AHCYL2: variants seen among roughly 807,000 people sequenced by gnomAD.
The protein encoded by AHCYL2 is adenosylhomocysteinase like 2, also known as S-adenosylhomocysteine hydrolase-like protein 2.
AHCYL2 carries 28 observed loss-of-function variants against 81.4 expected under a neutral mutation model. The observed-to-expected ratio is 0.34, with a 90% CI of 0.25 to 0.47. AHCYL2 has a LOEUF of 0.47. Ranked by LOEUF, AHCYL2 falls within the 20% of genes least tolerant of loss-of-function variation. The pLI is 1.00. For synonymous variants in AHCYL2, 272 were observed against 290.2 expected (o/e 0.94, Z 0.64); for missense variants, 551 against 785.1 (o/e 0.70, Z 3.56).
intron 1 of AHCYL2, among the ~76,000 whole-genome samples, chr7:129,318,978 A>G (rs1157273918): frequency 6.6e-6 from 1 of 152,072 alleles, no homozygotes; most frequent in Non-Finnish European, 1.5e-5. Context: ...ACTATAAGCA[A>G]AGTTAAAAGA....
At chr7:129,407,511 A>C (rs1366919766) in intron 10 of AHCYL2, among the ~76,000 whole-genome samples, 1 of 152,146 alleles carries the variant, frequency 6.6e-6, no homozygotes, top group Non-Finnish European at 1.5e-5. Flanking sequence ...GTTCTTAAAA[A>C]CTATTGCAGA....
At chr7:129,401,134 G>A (rs1313137279) in intron 6 of AHCYL2, among the ~76,000 whole-genome samples, 1 of 152,106 alleles carries the variant, frequency 6.6e-6, no homozygotes, top group Non-Finnish European at 1.5e-5. Context: ...GACCAGCCTG[G>A]GCAACATAGG....
chr7:129,295,955 T>C (rs1033349402), intron 1 of AHCYL2, among the ~76,000 whole-genome samples: 4 of 152,220 alleles, frequency 2.6e-5, no homozygotes, highest in African/African-American at 9.7e-5. Context: ...AAAGCTTCTC[T>C]GCGTTTATAC....
chr7:129,403,830 C>T (rs1223581569), intron 7 of AHCYL2, among the ~76,000 whole-genome samples: 1 of 130,686 alleles, frequency 7.7e-6, no homozygotes, highest in Non-Finnish European at 1.6e-5. Flanking sequence ...CACTGCACTC[C>T]AGCCTGGGTG....
intron 1 of AHCYL2, among the ~76,000 whole-genome samples, chr7:129,364,181 T>C (rs1237966990): frequency 6.6e-6 from 1 of 152,104 alleles, no homozygotes; most frequent in Non-Finnish European, 1.5e-5. Flanking sequence ...CAAGCAATGA[T>C]CACATCACTG....
At chr7:129,395,263 C>G (rs1563231668) in intron 4 of AHCYL2, among the ~76,000 whole-genome samples, 1 of 152,224 alleles carries the variant, frequency 6.6e-6, no homozygotes, top group Non-Finnish European at 1.5e-5. Context: ...AAGTACCTGC[C>G]TCATCTGCCG....
chr7:129,327,052 A>C (rs1798250118), intron 1 of AHCYL2, among the ~76,000 whole-genome samples: 1 of 152,188 alleles, frequency 6.6e-6, no homozygotes, highest in Admixed American at 6.5e-5. Flanking sequence ...TCACTTTATC[A>C]TATATATTAA....
intron 1 of AHCYL2, among the ~76,000 whole-genome samples, chr7:129,230,605 C>T (rs1421867501): frequency 9.0e-5 from 13 of 144,350 alleles, no homozygotes; most frequent in African/African-American, 2.6e-4. Context: ...TGGAGTCTTG[C>T]TTTGTTGCCC....
intron 1 of AHCYL2, among the ~76,000 whole-genome samples, chr7:129,286,057 C>T (rs751707995): frequency 3.3e-4 from 50 of 152,078 alleles, no homozygotes; most frequent in Non-Finnish European, 6.3e-4. Context: ...CCCCAACCTC[C>T]ACCAAAAAGA....
chr7:129,277,391 C>T (rs1796259992), intron 1 of AHCYL2, among the ~76,000 whole-genome samples: 2 of 151,760 alleles, frequency 1.3e-5, no homozygotes, highest in South Asian at 2.1e-4. Flanking sequence ...AATTCTCCTG[C>T]CTCAGCCTCC....
intron 1 of AHCYL2, among the ~76,000 whole-genome samples, chr7:129,234,100 G>A (rs1291475216): frequency 6.6e-6 from 1 of 152,016 alleles, no homozygotes; most frequent in East Asian, 1.9e-4. Flanking sequence ...GCCCAGGCAG[G>A]AGTGCAGTGG....
At chr7:129,357,254 TTAGTTAA>T (rs1460846460) in intron 1 of AHCYL2, among the ~76,000 whole-genome samples, 8 of 152,162 alleles carry the variant, frequency 5.3e-5, no homozygotes, top group Non-Finnish European at 8.8e-5. Context: ...AGCCTGCAGT[TTAGTTAA>T]TAGTTAATAG....
intron 1 of AHCYL2, among the ~76,000 whole-genome samples, chr7:129,329,177 GT>G (rs1014069459): frequency 2.6e-5 from 4 of 152,042 alleles, no homozygotes; most frequent in African/African-American, 9.7e-5. Flanking sequence ...TGCTATTAAT[GT>G]TTTTTATTTT....
chr7:129,375,193 G>T (rs751014189), intron 1 of AHCYL2, among the ~76,000 whole-genome samples: 25 of 152,132 alleles, frequency 1.6e-4, no homozygotes, highest in Non-Finnish European at 4.4e-5. Flanking sequence ...CTGTATAAAA[G>T]ATGCACAATT....
At chr7:129,328,737 C>T (rs962156534) in intron 1 of AHCYL2, among the ~76,000 whole-genome samples, 1 of 152,172 alleles carries the variant, frequency 6.6e-6, no homozygotes, top group African/African-American at 2.4e-5. Flanking sequence ...CCACCCGTCT[C>T]GGCCTCCCAA....
At chr7:129,230,334 A>G (rs574312159) in intron 1 of AHCYL2, among the ~76,000 whole-genome samples, 4 of 151,778 alleles carry the variant, frequency 2.6e-5, no homozygotes, top group Non-Finnish European at 5.9e-5. Flanking sequence ...CACCCGCCTC[A>G]GCCTCCCAAA....
intron 1 of AHCYL2, among the ~76,000 whole-genome samples, chr7:129,318,113 G>A (rs1526897): frequency 0.23 from 34,439 of 152,156 alleles, 4,995 homozygotes; most frequent in Non-Finnish European, 0.32. Context: ...TGATAAGTAT[G>A]TGGAAGCTAA....
chr7:129,280,201 G>T (rs58792972), intron 1 of AHCYL2, among the ~76,000 whole-genome samples: 1 of 16,748 alleles, frequency 6.0e-5, no homozygotes, highest in Non-Finnish European at 3.5e-4. Context: ...AGAGAGTCTC[G>T]CTCTGTTGCC....
chr7:129,303,237 G>T (rs1010836170), intron 1 of AHCYL2, among the ~76,000 whole-genome samples: 1 of 152,178 alleles, frequency 6.6e-6, no homozygotes, highest in East Asian at 1.9e-4. Context: ...AACCTCAGGT[G>T]ATCTGCCCGC....
Sources: gnomAD v4.1 joint callset for allele counts (sites outside exome capture counted in the v4.1 genomes callset) on GRCh38, gnomAD v4.1.1 for gene constraint, MANE v1.5 for transcripts, NCBI Gene and HGNC (gene_info 2026-07-23, HGNC 2026-07-21) for gene names.